The following EML1 variants were observed in gnomAD, a reference collection of about 807,000 sequenced individuals.
The protein encoded by EML1 is EMAP like 1.
In EML1, 27 loss-of-function variants were observed where a neutral mutation model predicts 110.4. The ratio of observed to expected loss-of-function variants is 0.24; its 90% CI spans 0.18 to 0.34. The LOEUF is 0.34. Ranked by LOEUF, EML1 falls within the 10% of genes least tolerant of loss-of-function variation. The pLI, the probability that EML1 is intolerant of heterozygous loss-of-function variation, is 1.00. For missense variants in EML1, 741 were observed against 1,030.9 expected, an observed-to-expected ratio of 0.72 and a Z score of 3.85; for synonymous variants, 344 against 385.8, an observed-to-expected ratio of 0.89 and a Z score of 1.27.
intron 1 of EML1, among the ~76,000 whole-genome samples, chr14:99,808,875 T>C (rs2058025899): frequency 6.6e-6 from 1 of 152,258 alleles, no homozygotes; most frequent in African/African-American, 2.4e-5. Context: ...GTTTCTCACT[T>C]AATTCTCACA....
Position 99,891,977 on chromosome 14 carries a change from G to A in EML1, c.547+750G>A, listed in dbSNP as rs923947787. 6.6e-5 allele frequency among the ~76,000 whole-genome samples: 10 copies of A among 152,238 alleles called. No individual in the cohort carries two copies. The Middle Eastern group carries it at 0.01, about 155-fold the overall frequency. On this transcript the variant is annotated intron_variant, in intron 5 of 21. Coordinates refer to ENST00000262233, the MANE Select transcript of EML1 (RefSeq NM_004434.3). ...CTGAAAATGTACTTGCTGTAAGCTC[G>A]CAGGGCCACATTGTGAGCGCACTTG...
At chr14:99,882,006 C>G (rs573774268) in intron 4 of EML1, among the ~76,000 whole-genome samples, 4 of 152,282 alleles carry the variant, frequency 2.6e-5, no homozygotes, top group Admixed American at 6.5e-5. Context: ...AGACCTTTAT[C>G]TTAGAATGTT....
At chr14:99,934,184 G>A (rs577059956) in intron 17 of EML1, among the ~76,000 whole-genome samples, 1 of 152,296 alleles carries the variant, frequency 6.6e-6, no homozygotes, top group African/African-American at 2.4e-5. Context: ...TGCGGTCATC[G>A]TCACTGTTGC....
chr14:99,910,741 CTG>C (rs2059932358), intron 12 of EML1, among the ~76,000 whole-genome samples: 1 of 151,512 alleles, frequency 6.6e-6, no homozygotes, highest in Non-Finnish European at 1.5e-5. Context: ...GTGCTAGACA[CTG>C]TGAACATACA....
chr14:99,744,886 G>T (rs753587942), intron 1 of EML1, among the ~76,000 whole-genome samples: 1 of 152,226 alleles, frequency 6.6e-6, no homozygotes, highest in Non-Finnish European at 1.5e-5. Flanking sequence ...CGTTTATTCA[G>T]TGTAATCCAC....
At chr14:99,868,924 T>C (rs983235652) in intron 3 of EML1, among the ~76,000 whole-genome samples, 2 of 152,188 alleles carry the variant, frequency 1.3e-5, no homozygotes, top group Admixed American at 6.5e-5. Context: ...TGTCTTCTTT[T>C]TATGAAAACT....
intron 3 of EML1, among the ~76,000 whole-genome samples, chr14:99,869,351 G>A (rs1336893165): frequency 6.6e-6 from 1 of 151,886 alleles, no homozygotes; most frequent in African/African-American, 2.4e-5. Context: ...TAATTGTTTT[G>A]GGGCACCAAA....
chr14:99,816,764 G>C (rs752342947), intron 1 of EML1, among the ~76,000 whole-genome samples: 23 of 152,236 alleles, frequency 1.5e-4, no homozygotes, highest in Non-Finnish European at 1.3e-4. Flanking sequence ...CTCAGAGAAG[G>C]GAGGAGTCCA....
chr14:99,778,994 G>A (rs2057512048), intron 1 of EML1, among the ~76,000 whole-genome samples: 2 of 152,150 alleles, frequency 1.3e-5, no homozygotes, highest in South Asian at 4.1e-4. Context: ...ACATTTGGTG[G>A]TGGTGTTTTG....
chr14:99,892,592 C>G (rs118092354), intron 5 of EML1, among the ~76,000 whole-genome samples: 545 of 152,298 alleles, frequency 3.6e-3, no homozygotes, highest in Non-Finnish European at 6.2e-3. Context: ...ACTGCTTTCC[C>G]TGGCTGCATT....
intron 6 of EML1, among the ~76,000 whole-genome samples, chr14:99,896,730 G>T (rs943187302): frequency 1.9e-4 from 25 of 132,738 alleles, no homozygotes; most frequent in African/African-American, 7.4e-4. Flanking sequence ...CAAAGGATCT[G>T]AGGGGCCTGA....
In EML1 at chr14:99,939,614, G is replaced by A. The variant is rs1044340115; in HGVS notation, c.2322+287G>A. Reference sequence around the variant, plus strand: ...CCTTGCTCCGGCCCTGCTCAGCCGCGCCAGCCCTGAGCCCTGGGACGCCCT... The same window carrying A: ...CCTTGCTCCGGCCCTGCTCAGCCGCACCAGCCCTGAGCCCTGGGACGCCCT... On this transcript the variant is annotated intron_variant, in intron 21 of 21. Transcript: ENST00000262233. The surrounding 1 kb of genome is among the most constrained non-coding windows in gnomAD (Gnocchi z 4.2). Among the ~76,000 whole-genome samples, 3 of 152,052 alleles carry A rather than the reference G, an allele frequency of 2.0e-5. No individual in the cohort carries two copies. The highest frequency in any genetic ancestry group is 1.3e-4 in the Admixed American group (2 of 15,266).
intron 3 of EML1, among the ~76,000 whole-genome samples, chr14:99,872,625 G>A (rs929645773): frequency 9.9e-5 from 15 of 152,138 alleles, no homozygotes; most frequent in South Asian, 4.1e-4. Context: ...TATGGGCTTC[G>A]GTGGATGGGA....
At chr14:99,752,743 C>T (rs1050744472) in intron 1 of EML1, among the ~76,000 whole-genome samples, 6 of 152,178 alleles carry the variant, frequency 3.9e-5, no homozygotes, top group African/African-American at 1.4e-4. Flanking sequence ...TCCCAGCCCC[C>T]TTTAAGGAAG....
intron 9 of EML1, among the ~76,000 whole-genome samples, chr14:99,902,269 C>A: frequency 6.6e-6 from 1 of 152,160 alleles, no homozygotes; most frequent in Non-Finnish European, 1.5e-5. Context: ...ATTAACTGGG[C>A]AACTATTGGA....
At chr14:99,923,882 G>A (rs1208320293) in intron 17 of EML1, among the ~76,000 whole-genome samples, 4 of 152,188 alleles carry the variant, frequency 2.6e-5, no homozygotes, top group African/African-American at 9.7e-5. Context: ...TCAAACGCCT[G>A]GTCTCCAGAG....
chr14:99,818,899 C>T (rs1261091296), intron 1 of EML1, among the ~76,000 whole-genome samples: 1 of 152,192 alleles, frequency 6.6e-6, no homozygotes, highest in Non-Finnish European at 1.5e-5. Flanking sequence ...ATTATTAACT[C>T]CTCAACTAAA....
chr14:99,935,979 C>T, intron 17 of EML1, 50 bp from the exon 18 acceptor site: 1 of 1,557,496 alleles, frequency 6.4e-7, no homozygotes, highest in Non-Finnish European at 8.8e-7. Context: ...TTGTAACGAA[C>T]AAAATGTGTA....
At chr14:99,830,695 C>A (rs1202852103) in intron 1 of EML1, among the ~76,000 whole-genome samples, 1 of 152,026 alleles carries the variant, frequency 6.6e-6, no homozygotes, top group Non-Finnish European at 1.5e-5. Context: ...GGATTACAGG[C>A]ACCCACCACC....
Sources: allele counts gnomAD v4.1 joint callset (sites outside exome capture counted in the v4.1 genomes callset), GRCh38; gene constraint gnomAD v4.1.1; non-coding constraint Gnocchi (gnomAD v3.1); transcripts MANE v1.5; gene names NCBI Gene and HGNC (gene_info 2026-07-23, HGNC 2026-07-21).